The following HK1 variants were observed in gnomAD, a reference collection of about 807,000 sequenced individuals.
HK1 encodes the protein hexokinase-1.
HK1 carries 28 observed loss-of-function variants against 91.6 expected under a neutral mutation model. The ratio of observed to expected loss-of-function variants is 0.31; its 90% CI spans 0.23 to 0.42. The LOEUF (loss-of-function observed/expected upper bound fraction) is 0.42, where lower values mean the gene tolerates loss of function less well. Ranked by LOEUF, HK1 falls within the 10% of genes least tolerant of loss-of-function variation. HK1 has a pLI of 1.00. For synonymous variants in HK1, 430 were observed against 468.1 expected (o/e 0.92, Z 1.05); for missense variants, 770 against 1,219.8 (o/e 0.63, Z 5.49).
chr10:69,332,659 C>T (rs778587089), intron 1 of HK1, among the ~76,000 whole-genome samples: 6 of 152,064 alleles, frequency 3.9e-5, no homozygotes, highest in African/African-American at 4.8e-5. Flanking sequence ...TTACAGGTGT[C>T]AGCCATTGTA....
At chr10:69,287,734 A>G (rs1845096545) in intron 2 of HK1, among the ~76,000 whole-genome samples, 1 of 152,172 alleles carries the variant, frequency 6.6e-6, no homozygotes. Context: ...ATACACTTTA[A>G]AGGGTGAGTC....
intron 3 of HK1, among the ~76,000 whole-genome samples, chr10:69,361,039 T>TCTC (rs10679551): frequency 0.37 from 56,692 of 151,860 alleles, 10,944 homozygotes; most frequent in South Asian, 0.45. Flanking sequence ...CCAGGAGCCT[T>TCTC]CTCTTGACTC....
chr10:69,277,120 G>T (rs148183760), intron 1 of HK1, among the ~76,000 whole-genome samples: 2 of 152,034 alleles, frequency 1.3e-5, no homozygotes, highest in Non-Finnish European at 2.9e-5. Flanking sequence ...TGCTAATTTC[G>T]CTGGATATAA....
chr10:69,299,169 G>C (rs181091237), intron 4 of HK1, among the ~76,000 whole-genome samples: 1 of 150,998 alleles, frequency 6.6e-6, no homozygotes, highest in Non-Finnish European at 1.5e-5. Context: ...AATTCTGTAA[G>C]CTTAATAAGT....
At chr10:69,303,741 G>C (rs1845983274) in intron 5 of HK1, among the ~76,000 whole-genome samples, 1 of 152,198 alleles carries the variant, frequency 6.6e-6, no homozygotes, top group Non-Finnish European at 1.5e-5. Context: ...CCTAGACAGA[G>C]CTGATTCATC....
intron 5 of HK1, among the ~76,000 whole-genome samples, chr10:69,302,348 A>G (rs1845917193): frequency 6.7e-6 from 1 of 150,296 alleles, no homozygotes; most frequent in African/African-American, 2.4e-5. Flanking sequence ...TTGAGAGTTC[A>G]GAAATAAACC....
In HK1 at chr10:69,378,156, G is replaced by A. The variant is rs150189645; in HGVS notation, c.1031+1067G>A. The stretch of plus-strand genomic sequence containing the variant: ...GGTCAGTGGCTGGGAAGGAAGGGGA[G>A]CGGGAGACTCGTGGATTGTCTTGAA... On this transcript the variant is annotated intron_variant, in intron 8 of 17. Coordinates refer to ENST00000359426, the MANE Select transcript of HK1 (RefSeq NM_000188.3). 2.6e-4 allele frequency among the ~76,000 whole-genome samples: 39 copies of A among 152,298 alleles called. No individual in the cohort carries two copies. The East Asian group carries it at 2.9e-3, about 11-fold the overall frequency.
chr10:69,276,090 CAA>C (rs60324656), intron 1 of HK1, among the ~76,000 whole-genome samples: 21 of 15,942 alleles, frequency 1.3e-3, no homozygotes, highest in Admixed American at 4.2e-3. Context: ...AACTCCTTTT[CAA>C]AAAAAAAAAA....
chr10:69,295,188 G>C (rs1236948901), intron 3 of HK1, among the ~76,000 whole-genome samples: 2 of 152,204 alleles, frequency 1.3e-5, no homozygotes, highest in Non-Finnish European at 2.9e-5. Context: ...TTCAGGGTGG[G>C]AGACACAGCG....
At chr10:69,317,231 T>C (rs1346885608), upstream of HK1, among the ~76,000 whole-genome samples, 2 of 152,224 alleles carry the variant, frequency 1.3e-5, no homozygotes, top group Non-Finnish European at 2.9e-5. Flanking sequence ...GTGTATTATG[T>C]GCACGTATTT....
At chr10:69,387,647 G>C (rs186545584) in intron 13 of HK1, among the ~76,000 whole-genome samples, 145 of 152,180 alleles carry the variant, frequency 9.5e-4, no homozygotes, top group Non-Finnish European at 1.7e-3. Flanking sequence ...CCCTCCCAAA[G>C]TGTTAGGATT....
chr10:69,386,076 A>C (rs910370523), intron 12 of HK1, among the ~76,000 whole-genome samples: 2 of 150,456 alleles, frequency 1.3e-5, no homozygotes, highest in Non-Finnish European at 2.9e-5. Flanking sequence ...TGCTGAGTGA[A>C]CTTAGACATT....
chr10:69,356,413 C>T (rs183792484), intron 2 of HK1, among the ~76,000 whole-genome samples: 1 of 152,154 alleles, frequency 6.6e-6, no homozygotes, highest in African/African-American at 2.4e-5. Context: ...GCCTGGGCAA[C>T]AGAGCAAGAC....
At chr10:69,281,070 G>C (rs1227927844) in intron 1 of HK1, among the ~76,000 whole-genome samples, 1 of 152,196 alleles carries the variant, frequency 6.6e-6, no homozygotes, top group African/African-American at 2.4e-5. Context: ...TGGAGGACAT[G>C]AGAGAGTGAG....
rs979842769 is a variant in HK1 at position 69,270,915 on chromosome 10, A to G, written c.-391+807A>G. 23 of 152,362 alleles carry G rather than the reference A, an allele frequency of 1.5e-4. 1 individual carries two copies. The highest frequency in any genetic ancestry group is 4.8e-4 in the African/African-American group (20 of 41,586). 9.4% of individuals were successfully genotyped at this position (152,362 alleles called of 1,614,324 possible). A position where few individuals can be genotyped will look rare whatever the true frequency, so the allele number is the denominator to read the frequency against. On this transcript the variant is annotated intron_variant, in intron 1 of 21. Transcript: ENST00000360289. ...GTTTTCTGAATGAATGAATGAATGA[A>G]TGCTCAAATAAGCACATGAATTAAT...
intron 3 of HK1, among the ~76,000 whole-genome samples, chr10:69,362,379 A>G (rs866609655): frequency 4.0e-5 from 6 of 151,720 alleles, no homozygotes; most frequent in Non-Finnish European, 7.4e-5. Flanking sequence ...GCCTGGCCAT[A>G]GTGTGTGTAT....
At position 69,393,421 on chromosome 10, in the gene HK1, C is replaced by T. The variant is rs1013584376; in HGVS notation, c.2219+1113C>T. Among the ~76,000 whole-genome samples the T allele has an allele frequency of 4.6e-5, 7 of 152,114 alleles. No individual in the cohort carries two copies. The East Asian group carries it at 1.3e-3, about 29-fold the overall frequency. ...AAGTGATTCTCCTGCCTCAGCCTCC[C>T]AGGTAGCTGGGATTACAGGTGCACG... On this transcript the variant is annotated intron_variant, in intron 15 of 17. Coordinates refer to ENST00000359426, the MANE Select transcript of HK1 (RefSeq NM_000188.3).
At chr10:69,343,152 C>T (rs566780257) in intron 1 of HK1, among the ~76,000 whole-genome samples, 1 of 152,318 alleles carries the variant, frequency 6.6e-6, no homozygotes, top group South Asian at 2.1e-4. Flanking sequence ...CTGGGCCTGC[C>T]ACCCTGTGTT....
intron 1 of HK1, among the ~76,000 whole-genome samples, chr10:69,327,009 T>C (rs1375887914): frequency 6.7e-6 from 1 of 149,284 alleles, no homozygotes; most frequent in Non-Finnish European, 1.5e-5. Context: ...ACTTTTTTTT[T>C]TTTTTTTTTT....
Sources: allele counts gnomAD v4.1 joint callset (sites outside exome capture counted in the v4.1 genomes callset), GRCh38; gene constraint gnomAD v4.1.1; transcripts MANE v1.5; gene names NCBI Gene and HGNC (gene_info 2026-07-23, HGNC 2026-07-21).